CCDC144A: variants seen among roughly 807,000 people sequenced by gnomAD.
The protein encoded by CCDC144A is coiled-coil domain containing 144A.
Under a neutral mutation model 143.8 loss-of-function variants are expected in CCDC144A, and 41 were observed. That is an observed-to-expected ratio of 0.29 (90% confidence interval 0.22 to 0.37). CCDC144A has a LOEUF of 0.37. Ranked by LOEUF, CCDC144A falls within the 10% of genes least tolerant of loss-of-function variation. CCDC144A has a pLI of 1.00. For synonymous variants in CCDC144A, 242 were observed against 517.9 expected (o/e 0.47, Z 7.23); for missense variants, 637 against 1,488.8 (o/e 0.43, Z 9.41).
intron 8 of CCDC144A, among the ~76,000 whole-genome samples, chr17:16,722,510 T>C (rs1913150233): frequency 6.6e-6 from 1 of 152,038 alleles, no homozygotes; most frequent in Admixed American, 6.6e-5. Context: ...TGTTCCTGAA[T>C]TGATAATCAT....
the CCDC144A span, chr17:16,683,903 A>T: frequency 7.5e-7 from 1 of 1,336,498 alleles, no homozygotes; most frequent in South Asian, 1.2e-5. Context: ...CTGCTGCTCC[A>T]GTAATGGGCG....
intron 6 of CCDC144A, among the ~76,000 whole-genome samples, chr17:16,714,152 G>A (rs1448829916): frequency 6.6e-6 from 1 of 152,156 alleles, no homozygotes; most frequent in Non-Finnish European, 1.5e-5. Context: ...GTCATAGTCT[G>A]TTTTGCTTTC....
chr17:16,734,928 A>G lies in CCDC144A; in HGVS notation c.2657A>G (p.Asn886Ser). Residue 886 changes from asparagine to serine, a missense_variant, in exon 12 of 17, where the codon AAC (asparagine) becomes AGC (serine). Asn to Ser is a conservative substitution (Grantham distance 46, BLOSUM62 1). Transcript: ENST00000399273. Reference sequence around the variant, plus strand: ...ATACTCCAGTACAGTGGACAGCTGAACAATCTGACAGCTGAGAACAAAATA... The same window carrying G: ...ATACTCCAGTACAGTGGACAGCTGAGCAATCTGACAGCTGAGAACAAAATA... Reference protein sequence around the residue: ...ETILQYSGQLNNLTAENKILN... With the variant: ...ETILQYSGQLSNLTAENKILN... The G allele has an allele frequency of 1.3e-6, 2 of 1,588,090 alleles. No homozygotes were observed. The highest frequency in any genetic ancestry group is 1.3e-5 in the African/African-American group (1 of 74,310).
intron 5 of CCDC144A, among the ~76,000 whole-genome samples, chr17:16,711,149 A>AAAAAAAAAAAAAAAAC (rs1912405813): frequency 7.1e-6 from 1 of 141,206 alleles, no homozygotes; most frequent in African/African-American, 2.6e-5. Context: ...AAAAAAAAAA[A>AAAAAAAAAAAAAAAAC]AAAAAAAAAC....
At chr17:16,703,611 T>C (rs893215227) in intron 2 of CCDC144A, among the ~76,000 whole-genome samples, 1 of 152,194 alleles carries the variant, frequency 6.6e-6, no homozygotes, top group African/African-American at 2.4e-5. Flanking sequence ...GAGACCATCC[T>C]GGCTAACACG....
chr17:16,671,395 A>G, the CCDC144A span, among the ~76,000 whole-genome samples: 4 of 152,134 alleles, frequency 2.6e-5, no homozygotes, highest in Non-Finnish European at 5.9e-5. Context: ...CTGGGTTACA[A>G]AATAGGCGTT....
At position 16,729,991 on chromosome 17, in the gene CCDC144A, T is replaced by TATATATATATACACACAC. The variant is rs1491438660; in HGVS notation, c.2106-1808_2106-1807insTATATATATACACACACA. 3.5e-4 allele frequency among the ~76,000 whole-genome samples: 40 copies of TATATATATATACACACAC among 114,872 alleles called. 3 individuals carry two copies. Among genetic ancestry groups the TATATATATATACACACAC allele is most frequent in the Non-Finnish European group, 6.7e-4 (36 of 53,968 alleles). 75.4% of individuals were successfully genotyped at this position (114,872 alleles called of 152,430 possible). A position where few individuals can be genotyped will look rare whatever the true frequency, so the allele number is the denominator to read the frequency against. ...ATATATATATATATATATATATATA[T>TATATATATATACACACAC]ACACACATACATTTTTTGTTTTTTT... On this transcript the variant is annotated intron_variant, in intron 9 of 16. Transcript: ENST00000399273.
intron 5 of CCDC144A, among the ~76,000 whole-genome samples, chr17:16,710,765 A>G (rs568027226): frequency 6.6e-6 from 1 of 152,324 alleles, no homozygotes; most frequent in African/African-American, 2.4e-5. Flanking sequence ...AAGGCATTAA[A>G]TTATTTTACC....
intron 5 of CCDC144A, among the ~76,000 whole-genome samples, chr17:16,709,838 T>C (rs1188197998): frequency 2.0e-5 from 3 of 152,230 alleles, no homozygotes; most frequent in Admixed American, 2.0e-4. Context: ...CCTAAGTCTC[T>C]CTGTCAGTCT....
chr17:16,738,633 T>C (rs1914129219), intron 12 of CCDC144A, among the ~76,000 whole-genome samples: 1 of 152,244 alleles, frequency 6.6e-6, no homozygotes. Context: ...AATTTCATCT[T>C]ATTGCTGAGT....
chr17:16,748,083 G>C (rs1424988066), intron 12 of CCDC144A, among the ~76,000 whole-genome samples: 2 of 152,048 alleles, frequency 1.3e-5, no homozygotes, highest in Non-Finnish European at 2.9e-5. Context: ...AGGTCTCACT[G>C]TGTTGCCCAG....
Position 16,711,136 on chromosome 17 carries a change from G to GAA in CCDC144A, c.1579-522_1579-521dup, listed in dbSNP as rs1210697273. Among the ~76,000 whole-genome samples, 88 of 21,740 alleles carry GAA rather than the reference G, an allele frequency of 4.0e-3. 1 individual carries two copies. The highest frequency in any genetic ancestry group is 5.1e-3 in the Non-Finnish European group (59 of 11,546). 14.3% of individuals were successfully genotyped at this position (21,740 alleles called of 152,430 possible). A position where few individuals can be genotyped will look rare whatever the true frequency, so the allele number is the denominator to read the frequency against. ...CTTTTTGATATCCCAGGATTCAAAT[G>GAA]AAAAAAAAAAAAAAAAAAAAAACAA... On this transcript the variant is annotated intron_variant, in intron 5 of 16. Transcript: ENST00000399273.
chr17:16,703,451 T>A (rs1911843771), intron 2 of CCDC144A, among the ~76,000 whole-genome samples: 1 of 152,246 alleles, frequency 6.6e-6, no homozygotes, highest in East Asian at 1.9e-4. Context: ...GAGCTTTTAT[T>A]TAAGTCAGTT....
chr17:16,771,807 A>T (rs1456250525), intron 15 of CCDC144A, among the ~76,000 whole-genome samples, 170 bp from the exon 16 acceptor site: 1 of 152,272 alleles, frequency 6.6e-6, no homozygotes, highest in African/African-American at 2.4e-5. Flanking sequence ...GTTCTCCATT[A>T]TCTAAACTTA....
At chr17:16,677,476 A>C in the CCDC144A span, among the ~76,000 whole-genome samples, 317 of 152,142 alleles carry the variant, frequency 2.1e-3, 2 homozygotes, top group African/African-American at 7.4e-3. Context: ...TCGTGTGTTA[A>C]AATCAAATTC....
At chr17:16,690,093 T>C (rs1910952109), upstream of CCDC144A, 1 of 229,062 alleles carries the variant, frequency 4.4e-6, no homozygotes, top group Non-Finnish European at 8.4e-6. Flanking sequence ...AGTCTTTTTC[T>C]GGGAGGCTGG....
intron 12 of CCDC144A, among the ~76,000 whole-genome samples, chr17:16,752,135 G>A (rs1914822325): frequency 6.6e-6 from 1 of 152,156 alleles, no homozygotes; most frequent in Non-Finnish European, 1.5e-5. Flanking sequence ...GTGAGGGGAG[G>A]GCTGGTGAGT....
chr17:16,696,097 C>T (rs562152487), intron 2 of CCDC144A, among the ~76,000 whole-genome samples: 1 of 152,288 alleles, frequency 6.6e-6, no homozygotes, highest in East Asian at 1.9e-4. Context: ...TCACTGCAAC[C>T]TCCGCCTCCC....
the CCDC144A span, chr17:16,684,187 C>T: frequency 5.8e-6 from 6 of 1,029,086 alleles, no homozygotes; most frequent in African/African-American, 1.6e-5. Flanking sequence ...AAGAGGACTT[C>T]GTGGCACTGG....
Sources: allele counts gnomAD v4.1 joint callset (sites outside exome capture counted in the v4.1 genomes callset), GRCh38; gene constraint gnomAD v4.1.1; transcripts MANE v1.5; gene names NCBI Gene and HGNC (gene_info 2026-07-23, HGNC 2026-07-21).